MYOM3: variants seen among roughly 807,000 people sequenced by gnomAD.
The protein encoded by MYOM3 is myomesin 3.
MYOM3 carries 155 observed loss-of-function variants against 191.7 expected under a neutral mutation model. The observed-to-expected ratio is 0.81, with a 90% CI of 0.71 to 0.92. The LOEUF (loss-of-function observed/expected upper bound fraction) is 0.92, where lower values mean the gene tolerates loss of function less well. Ranked by LOEUF, MYOM3 falls within the 40% of genes least tolerant of loss-of-function variation. MYOM3 has a pLI of 0.00. For missense variants in MYOM3, 1,889 were observed against 1,890.6 expected, an observed-to-expected ratio of 1.00 and a Z score of 0.02; for synonymous variants, 757 against 762.9, an observed-to-expected ratio of 0.99 and a Z score of 0.13.
chr1:24,069,595 TTTTCTTTC>T (rs149395314), intron 25 of MYOM3, among the ~76,000 whole-genome samples: 276 of 142,100 alleles, frequency 1.9e-3, no homozygotes, highest in Admixed American at 2.8e-3. Flanking sequence ...TCCTTTTTTC[TTTTCTTTC>T]TTTCTTTCTT....
intron 3 of MYOM3, among the ~76,000 whole-genome samples, chr1:24,107,593 T>TGCCCCAAGCCGAACGCTGCC (rs1553158321): frequency 6.6e-6 from 1 of 152,144 alleles, no homozygotes; most frequent in Non-Finnish European, 1.5e-5. Flanking sequence ...CCCAGGGCCC[T>TGCCCCAAGCCGAACGCTGCC]GCCCCAAGCC....
chr1:24,075,060 C>A (rs1466665315), intron 22 of MYOM3, among the ~76,000 whole-genome samples: 1 of 148,580 alleles, frequency 6.7e-6, no homozygotes, highest in Non-Finnish European at 1.5e-5. Flanking sequence ...GGCAATAGAG[C>A]AAGACCCTGT....
chr1:24,065,252 C>T (rs16829059), intron 29 of MYOM3, among the ~76,000 whole-genome samples: 26,528 of 152,192 alleles, frequency 0.17, 2,559 homozygotes, highest in South Asian at 0.3. Flanking sequence ...TCCTAGTCAG[C>T]AAGGCTCTGT....
intron 28 of MYOM3, 37 bp downstream of exon 28, chr1:24,066,984 T>C: frequency 1.3e-6 from 2 of 1,541,150 alleles, no homozygotes; most frequent in Middle Eastern, 1.8e-4. Context: ...CAGGTCCCCC[T>C]GCACTGGGCC....
In MYOM3 at chr1:24,093,020, G is replaced by A; in HGVS notation, c.1017C>T (p.Asp339=). 8.1e-6 allele frequency: 13 copies of A among 1,613,088 alleles called. No homozygotes were observed. Among genetic ancestry groups the A allele is most frequent in the Non-Finnish European group, 1.0e-5 (12 of 1,179,800 alleles). The change falls in exon 10 of 37, where the codon GAC becomes GAT. Residue 339 remains aspartate, a synonymous_variant. Coordinates refer to ENST00000374434, the MANE Select transcript of MYOM3 (RefSeq NM_152372.4). ...SLKVSCTYKE[D]EGLYMVRVPS... ...GCACCCGGACCATGTAGAGCCCCTC[G>A]TCCTCCTTGTAGGTGCAGGACACCT...
At chr1:24,088,553 A>G (rs1643774506) in intron 14 of MYOM3, among the ~76,000 whole-genome samples, 1 of 152,072 alleles carries the variant, frequency 6.6e-6, no homozygotes, top group African/African-American at 2.4e-5. Context: ...ATACACTACC[A>G]CCTTGTGAAA....
At chr1:24,079,468 G>C (rs1279293000) in intron 20 of MYOM3, among the ~76,000 whole-genome samples, 1 of 151,884 alleles carries the variant, frequency 6.6e-6, no homozygotes, top group African/African-American at 2.4e-5. Context: ...TCAGAGTGCT[G>C]AGATTAAAGG....
At position 24,056,190 on chromosome 1, in the gene MYOM3, A is replaced by C. The variant is rs549585153; in HGVS notation, c.*1174T>G. On this transcript the variant is annotated 3_prime_UTR_variant, in exon 37 of 37. Transcript: ENST00000374434. ...GGGGCAGAGAAATGCCCAGCTCAGT[A>C]CTGAGATCCATCAAGTGAGGCCAGC... The C allele has an allele frequency of 1.3e-5, 2 of 152,318 alleles. No individual in the cohort carries two copies. The highest frequency in any genetic ancestry group is 3.9e-4 in the East Asian group (2 of 5,190). 9.4% of individuals were successfully genotyped at this position (152,318 alleles called of 1,614,324 possible). A position where few individuals can be genotyped will look rare whatever the true frequency, so the allele number is the denominator to read the frequency against.
rs1392813109 is a variant in MYOM3, at chr1:24,056,162, T to TG, written c.*1201dup. 3 of 152,146 alleles carry TG rather than the reference T, an allele frequency of 2.0e-5. No homozygotes were observed. The highest frequency in any genetic ancestry group is 4.4e-5 in the Non-Finnish European group (3 of 68,022). The allele number at this position is 152,146 out of a possible 1,614,324, so 9.4% of individuals were successfully genotyped here. A position where few individuals can be genotyped will look rare whatever the true frequency, so the allele number is the denominator to read the frequency against. ...ATCTTATTTTTAAAAAGAAAAAAGT[T>TG]GGGGGGCAGAGAAATGCCCAGCTCA... On this transcript the variant is annotated 3_prime_UTR_variant, in exon 37 of 37. Transcript: ENST00000374434.
intron 23 of MYOM3, among the ~76,000 whole-genome samples, chr1:24,073,849 C>T (rs1030372915): frequency 2.6e-5 from 3 of 117,582 alleles, no homozygotes; most frequent in African/African-American, 3.5e-5. Context: ...GGCGACAGAG[C>T]GAGACTCCGT....
chr1:24,067,325 CTTCTTTCT>C (rs796793986), intron 27 of MYOM3, among the ~76,000 whole-genome samples: 1,835 of 58,774 alleles, frequency 0.031, 66 homozygotes, highest in Middle Eastern at 0.042. Flanking sequence ...TCTTTCTTTC[CTTCTTTCT>C]TTCTTTCTTT....
rs183846825 is a variant in MYOM3, at chr1:24,061,882, G to A, written c.3934+64C>T. The A allele has an allele frequency of 3.4e-5, 54 of 1,580,494 alleles. No individual in the cohort carries two copies. In the East Asian group the frequency reaches 5.6e-4, roughly 16 times the overall value. On this transcript the variant is annotated intron_variant, in intron 33 of 36. Coordinates refer to ENST00000374434, the MANE Select transcript of MYOM3 (RefSeq NM_152372.4). ...GCTGGGATTACAGGACTGACCCAGT[G>A]TGCCCAGACTGTCCATGGGATTTTC...
In MYOM3 at chr1:24,081,474, C is replaced by A; in HGVS notation, c.2281-18G>T. 6.2e-7 allele frequency: 1 copy of A among 1,612,404 alleles called. No homozygotes were observed. The highest frequency in any genetic ancestry group is 1.1e-5 in the South Asian group (1 of 90,828). On this transcript the variant is annotated intron_variant, in intron 18 of 36. Transcript: ENST00000374434. ...TCACTGACCTTTAAGAGCAGAAACA[C>A]AAACTATGAGGCTGAGGCTGGAGGA...
At chr1:24,064,852 A>G (rs1350336896) in intron 29 of MYOM3, among the ~76,000 whole-genome samples, 1 of 152,108 alleles carries the variant, frequency 6.6e-6, no homozygotes, top group East Asian at 1.9e-4. Context: ...CTGAGCCCCA[A>G]AAGTCCTCTC....
chr1:24,070,209 G>T (rs1022737671), intron 25 of MYOM3, among the ~76,000 whole-genome samples: 1 of 152,034 alleles, frequency 6.6e-6, no homozygotes, highest in Non-Finnish European at 1.5e-5. Context: ...ATAATGAATC[G>T]GTTTGACTTT....
In MYOM3 at chr1:24,086,844, A is replaced by G; in HGVS notation, c.1615-17T>C. 6.2e-7 allele frequency: 1 copy of G among 1,612,000 alleles called. No individual in the cohort carries two copies. Among genetic ancestry groups the G allele is most frequent in the South Asian group, 1.1e-5 (1 of 90,780 alleles). On this transcript the variant is annotated splice_polypyrimidine_tract_variant and intron_variant, in intron 14 of 36. Transcript: ENST00000374434. ...TATGACTGACTGAAGAAACAGAGGG[A>G]CTCACATTGGCTAACTGGTCGCCCA...
rs143187236 is a variant in MYOM3, at chr1:24,106,050, C to A, written c.430G>T (p.Glu144Ter). The change falls in exon 5 of 37, where the codon GAG (glutamate) becomes TAG (stop). Residue 144 changes from glutamate to a stop codon, truncating the protein, a stop_gained. Coordinates refer to ENST00000374434, the MANE Select transcript of MYOM3 (RefSeq NM_152372.4). LOFTEE classifies it high-confidence loss of function. ...CGGCCGTAGCACAGCTCCCTCAGCT[C>A]CTTGGCCTCCTGGACCTTCTCCTCT... ...RTEEKVQEAK[E>*]LRELCYGRGP... 4,106 of 1,613,220 alleles carry A rather than the reference C, an allele frequency of 2.5e-3. 98 individuals are homozygous for A. In the South Asian group the frequency reaches 0.03, roughly 12 times the overall value.
chr1:24,088,249 C>G (rs567551654), intron 14 of MYOM3, among the ~76,000 whole-genome samples: 10 of 152,108 alleles, frequency 6.6e-5, no homozygotes, highest in African/African-American at 1.9e-4. Context: ...GTTTTCCCCC[C>G]ACAAGCCCAT....
intron 5 of MYOM3, among the ~76,000 whole-genome samples, chr1:24,102,650 C>T (rs1643946097): frequency 6.6e-6 from 1 of 152,120 alleles, no homozygotes; most frequent in Non-Finnish European, 1.5e-5. Flanking sequence ...GAGTTCGAGA[C>T]AGCCTGGGCA....
Sources: allele counts gnomAD v4.1 joint callset (sites outside exome capture counted in the v4.1 genomes callset), GRCh38; gene constraint gnomAD v4.1.1; transcripts MANE v1.5; gene names NCBI Gene and HGNC (gene_info 2026-07-23, HGNC 2026-07-21).